CHST11: variants seen among roughly 807,000 people sequenced by gnomAD.
CHST11 encodes the protein carbohydrate sulfotransferase 11, also known as C4S-1.
A neutral mutation model predicts 30.4 loss-of-function variants in CHST11; 9 were observed. The observed-to-expected ratio is 0.30, with a 90% CI of 0.18 to 0.52. CHST11 has a LOEUF of 0.52. Among genes scored for constraint, CHST11 ranks in the 20% least tolerant of loss-of-function variants. The pLI, the probability that CHST11 is intolerant of heterozygous loss-of-function variation, is 0.97. For synonymous variants in CHST11, 152 were observed against 187.8 expected (o/e 0.81, Z 1.56); for missense variants, 348 against 460.6 (o/e 0.76, Z 2.24).
chr12:104,576,549 G>A (rs1292099676), intron 1 of CHST11, among the ~76,000 whole-genome samples: 1 of 152,188 alleles, frequency 6.6e-6, no homozygotes, highest in African/African-American at 2.4e-5. Flanking sequence ...TTGGAAAAGA[G>A]CAACGGACTC....
chr12:104,480,704 GAGGC>G (rs1464947418), intron 1 of CHST11, among the ~76,000 whole-genome samples: 1 of 152,150 alleles, frequency 6.6e-6, no homozygotes, highest in Admixed American at 6.5e-5. Context: ...TGTGATAATG[GAGGC>G]AGAGACTGGA....
At chr12:104,638,146 G>A (rs2039343654) in intron 2 of CHST11, among the ~76,000 whole-genome samples, 1 of 152,084 alleles carries the variant, frequency 6.6e-6, no homozygotes, top group African/African-American at 2.4e-5. Flanking sequence ...GGGAAAAGGA[G>A]GAGGAGAAAG....
Position 104,457,676 on chromosome 12 carries a change from C to A in CHST11, c.118+147C>A. On this transcript the variant is annotated intron_variant, in intron 1 of 2. Coordinates refer to ENST00000303694, the MANE Select transcript of CHST11 (RefSeq NM_018413.6). ...TGGCTGCCCAGAGCTCCTGGCTGCC[C>A]AGATCTACCCGGGTCACCGCGTCGG... 3 of 676,006 alleles carry A rather than the reference C, an allele frequency of 4.4e-6. No individual in the cohort carries two copies. In the South Asian group the frequency reaches 4.9e-5, roughly 11 times the overall value. 41.9% of individuals were successfully genotyped at this position (676,006 alleles called of 1,614,324 possible).
intron 2 of CHST11, among the ~76,000 whole-genome samples, chr12:104,683,741 T>C (rs766140983): frequency 6.6e-6 from 1 of 152,186 alleles, no homozygotes; most frequent in African/African-American, 2.4e-5. Context: ...GTTACATCCC[T>C]TGGGCGCATT....
chr12:104,607,804 G>A (rs1268842788), intron 2 of CHST11, among the ~76,000 whole-genome samples: 1 of 152,104 alleles, frequency 6.6e-6, no homozygotes, highest in African/African-American at 2.4e-5. Context: ...CAATCCATCT[G>A]GTTTTTACCT....
chr12:104,646,814 T>C lies in CHST11; in HGVS notation c.204+44823T>C, dbSNP rs530184921. 9.2e-5 allele frequency among the ~76,000 whole-genome samples: 14 copies of C among 152,346 alleles called. No homozygotes were observed. In the South Asian group the frequency reaches 2.9e-3, roughly 32 times the overall value. On this transcript the variant is annotated intron_variant, in intron 2 of 2. Coordinates refer to ENST00000303694, the MANE Select transcript of CHST11 (RefSeq NM_018413.6). ...AGCGCTGAATCATCAGAGCCTAAAG[T>C]GTCTGATAAATACTACTTATTCATT...
At chr12:104,463,624 G>A (rs1226861916) in intron 1 of CHST11, among the ~76,000 whole-genome samples, 2 of 152,194 alleles carry the variant, frequency 1.3e-5, no homozygotes, top group Admixed American at 1.3e-4. Flanking sequence ...ATGCAGAAGT[G>A]ACATATATGG....
intron 2 of CHST11, among the ~76,000 whole-genome samples, chr12:104,634,050 G>A (rs1296536678): frequency 2.0e-5 from 3 of 152,170 alleles, no homozygotes. Flanking sequence ...TACTATGCCA[G>A]GCTGTTGTGA....
At chr12:104,684,935 C>G (rs1008789491) in intron 2 of CHST11, among the ~76,000 whole-genome samples, 3 of 152,222 alleles carry the variant, frequency 2.0e-5, no homozygotes, top group African/African-American at 4.8e-5. Context: ...AAGACTGCCT[C>G]TAATCCCCCA....
At chr12:104,595,013 A>C (rs1374129424) in intron 1 of CHST11, among the ~76,000 whole-genome samples, 1 of 152,170 alleles carries the variant, frequency 6.6e-6, no homozygotes, top group East Asian at 1.9e-4. Flanking sequence ...ACTCAACATA[A>C]TGTTAGTCAT....
At chr12:104,689,045 C>T (rs2039873681) in intron 2 of CHST11, among the ~76,000 whole-genome samples, 1 of 152,208 alleles carries the variant, frequency 6.6e-6, no homozygotes, top group Non-Finnish European at 1.5e-5. Flanking sequence ...TTTCTATATA[C>T]ACACATTCGT....
At chr12:104,618,762 G>A (rs1338981381) in intron 2 of CHST11, among the ~76,000 whole-genome samples, 2 of 152,106 alleles carry the variant, frequency 1.3e-5, no homozygotes, top group Admixed American at 1.3e-4. Flanking sequence ...GCATAGAGAG[G>A]CGTTTTGTTG....
chr12:104,605,027 A>G (rs1420199233), intron 2 of CHST11, among the ~76,000 whole-genome samples: 1 of 137,272 alleles, frequency 7.3e-6, no homozygotes, highest in East Asian at 2.6e-4. Context: ...CCACAAAACT[A>G]GTAATAAACA....
intron 2 of CHST11, among the ~76,000 whole-genome samples, chr12:104,740,784 C>G (rs1382040681): frequency 6.6e-6 from 1 of 152,094 alleles, no homozygotes; most frequent in South Asian, 2.1e-4. Flanking sequence ...TGACTCTGTT[C>G]CTGGATATCT....
At chr12:104,711,168 A>G (rs1197604216) in intron 2 of CHST11, among the ~76,000 whole-genome samples, 5 of 152,224 alleles carry the variant, frequency 3.3e-5, no homozygotes, top group Non-Finnish European at 7.3e-5. Context: ...GGGCTTGTAC[A>G]CAGAGCACAT....
chr12:104,660,863 A>G (rs1243944245), intron 2 of CHST11, among the ~76,000 whole-genome samples: 3 of 152,208 alleles, frequency 2.0e-5, no homozygotes, highest in Admixed American at 6.5e-5. Context: ...TTATAGTTAA[A>G]GGATGCTGGA....
chr12:104,726,450 G>A (rs2040217474), intron 2 of CHST11, among the ~76,000 whole-genome samples: 1 of 152,336 alleles, frequency 6.6e-6, no homozygotes, highest in East Asian at 1.9e-4. Flanking sequence ...AGGCTGTGGT[G>A]TAAACCAGAG....
chr12:104,677,363 AG>A (rs2039752502), intron 2 of CHST11, among the ~76,000 whole-genome samples: 1 of 152,208 alleles, frequency 6.6e-6, no homozygotes, highest in Admixed American at 6.5e-5. Context: ...TAGGAACAAA[AG>A]GGTTATTCAG....
intron 2 of CHST11, among the ~76,000 whole-genome samples, chr12:104,664,712 G>A (rs958147858): frequency 2.6e-5 from 4 of 152,140 alleles, no homozygotes; most frequent in African/African-American, 7.2e-5. Context: ...TTTTTATGGT[G>A]CCATTTTGAC....
Sources: gnomAD v4.1 joint callset for allele counts (sites outside exome capture counted in the v4.1 genomes callset) on GRCh38, gnomAD v4.1.1 for gene constraint, MANE v1.5 for transcripts, NCBI Gene and HGNC (gene_info 2026-07-23, HGNC 2026-07-21) for gene names.